DLG2: variants seen among roughly 807,000 people sequenced by gnomAD.
DLG2 encodes discs large MAGUK scaffold protein 2.
Under a neutral mutation model 132.5 loss-of-function variants are expected in DLG2, and 45 were observed. The ratio of observed to expected loss-of-function variants is 0.34; its 90% CI spans 0.27 to 0.44. The LOEUF is 0.44. Ranked by LOEUF, DLG2 falls within the 20% of genes least tolerant of loss-of-function variation. The probability of loss-of-function intolerance (pLI) is 1.00; values close to 1 mark genes in which losing one functional copy is unlikely to be tolerated. For synonymous variants in DLG2, 424 were observed against 419.6 expected (o/e 1.01, Z -0.13); for missense variants, 1,045 against 1,196.9 (o/e 0.87, Z 1.87).
At chr11:84,943,224 T>A (rs2049725314) in intron 6 of DLG2, among the ~76,000 whole-genome samples, 1 of 151,722 alleles carries the variant, frequency 6.6e-6, no homozygotes, top group African/African-American at 2.4e-5. Context: ...CTACTCTGTC[T>A]TTTAATTGAA....
chr11:84,609,335 A>G (rs1275168667), intron 6 of DLG2, among the ~76,000 whole-genome samples: 1 of 152,180 alleles, frequency 6.6e-6, no homozygotes, highest in African/African-American at 2.4e-5. Context: ...AAAGTACTAA[A>G]AACATTACTT....
chr11:85,537,293 C>T (rs532138220), intron 3 of DLG2, among the ~76,000 whole-genome samples: 55 of 152,310 alleles, frequency 3.6e-4, no homozygotes, highest in African/African-American at 1.1e-3. Flanking sequence ...TAAAAGCAGG[C>T]GACCAGAGCC....
At chr11:83,529,739 G>A (rs2095691456) in intron 21 of DLG2, among the ~76,000 whole-genome samples, 1 of 152,110 alleles carries the variant, frequency 6.6e-6, no homozygotes, top group South Asian at 2.1e-4. Context: ...AAGAACAACA[G>A]TGACTTAGTA....
At chr11:85,259,368 A>T (rs1428039944) in intron 4 of DLG2, among the ~76,000 whole-genome samples, 3 of 152,132 alleles carry the variant, frequency 2.0e-5, no homozygotes, top group African/African-American at 7.2e-5. Flanking sequence ...AGAAGCCTGT[A>T]TATCCTGCAG....
intron 6 of DLG2, among the ~76,000 whole-genome samples, chr11:85,085,279 G>A (rs1385289379): frequency 6.6e-6 from 1 of 152,012 alleles, no homozygotes; most frequent in East Asian, 1.9e-4. Context: ...TCCTATACAA[G>A]CCTTTTTAGT....
chr11:85,241,549 C>T (rs531764069), intron 4 of DLG2, among the ~76,000 whole-genome samples: 38 of 152,014 alleles, frequency 2.5e-4, no homozygotes, highest in African/African-American at 8.7e-4. Context: ...TGGACTTCAT[C>T]AGATTAAGGA....
intron 21 of DLG2, among the ~76,000 whole-genome samples, chr11:83,497,281 G>A (rs186098016): frequency 1.3e-5 from 2 of 152,284 alleles, no homozygotes; most frequent in African/African-American, 2.4e-5. Flanking sequence ...GGTGGCTCAC[G>A]CCTGTAATCC....
At chr11:85,438,794 C>T (rs922935865) in intron 3 of DLG2, among the ~76,000 whole-genome samples, 3 of 152,124 alleles carry the variant, frequency 2.0e-5, no homozygotes, top group Admixed American at 6.5e-5. Context: ...ACAGCTGAAT[C>T]GCAAGGACAC....
At chr11:85,208,656 A>C (rs2082056664) in intron 4 of DLG2, among the ~76,000 whole-genome samples, 1 of 152,118 alleles carries the variant, frequency 6.6e-6, no homozygotes, top group African/African-American at 2.4e-5. Flanking sequence ...ACATGCACAA[A>C]ATGTCTGCTG....
chr11:83,499,939 C>A (rs992667286), intron 21 of DLG2, among the ~76,000 whole-genome samples: 2 of 137,942 alleles, frequency 1.4e-5, no homozygotes, highest in Non-Finnish European at 3.1e-5. Flanking sequence ...ATACGACAGT[C>A]AAGAGCTCTG....
intron 8 of DLG2, among the ~76,000 whole-genome samples, chr11:84,211,743 C>T (rs1190887146): frequency 3.9e-5 from 6 of 152,066 alleles, no homozygotes; most frequent in Non-Finnish European, 8.8e-5. Flanking sequence ...GTTTTATCAC[C>T]TATAGGAAAC....
At chr11:85,516,203 T>C (rs1421253980) in intron 3 of DLG2, among the ~76,000 whole-genome samples, 1 of 152,014 alleles carries the variant, frequency 6.6e-6, no homozygotes, top group African/African-American at 2.4e-5. Flanking sequence ...TGAATAATCT[T>C]TGGGTCAAGG....
intron 4 of DLG2, among the ~76,000 whole-genome samples, chr11:85,249,616 C>T (rs141509855): frequency 6.6e-6 from 1 of 152,050 alleles, no homozygotes; most frequent in East Asian, 1.9e-4. Context: ...GGATCAGAGG[C>T]CTGAAAAAAT....
At chr11:84,404,528 G>T (rs915524534) in intron 7 of DLG2, among the ~76,000 whole-genome samples, 1 of 152,076 alleles carries the variant, frequency 6.6e-6, no homozygotes, top group African/African-American at 2.4e-5. Context: ...GACCCACATT[G>T]CCTAACACAG....
intron 3 of DLG2, among the ~76,000 whole-genome samples, chr11:85,334,787 G>A (rs147547658): frequency 6.6e-6 from 1 of 152,148 alleles, no homozygotes; most frequent in Non-Finnish European, 1.5e-5. Flanking sequence ...TGGTCTGAGA[G>A]TGTGGTTGGT....
Position 84,808,232 on chromosome 11 carries a change from A to G in DLG2, c.358-273501T>C, listed in dbSNP as rs140198281. Among the ~76,000 whole-genome samples, 147 of 152,226 alleles carry G rather than the reference A, an allele frequency of 9.7e-4. 2 individuals are homozygous for G. Among genetic ancestry groups the G allele is most frequent in the Middle Eastern group, 6.8e-3 (2 of 294 alleles). ...ACTAAAAACCATACTACTAAATAAT[A>G]CATGTGTCAAGAGAAAGTCTCAAGG... On this transcript the variant is annotated intron_variant, in intron 6 of 27. Transcript: ENST00000376104.
At chr11:84,918,420 C>T (rs914998692) in intron 6 of DLG2, among the ~76,000 whole-genome samples, 1 of 152,164 alleles carries the variant, frequency 6.6e-6, no homozygotes, top group Non-Finnish European at 1.5e-5. Flanking sequence ...GATATAGACA[C>T]CCTGTACTGT....
intron 7 of DLG2, among the ~76,000 whole-genome samples, chr11:84,257,105 A>T (rs1363102255): frequency 6.6e-6 from 1 of 152,170 alleles, no homozygotes; most frequent in Non-Finnish European, 1.5e-5. Flanking sequence ...TGAACACAGG[A>T]TAACTGTATT....
chr11:84,325,365 C>A (rs931861249), intron 7 of DLG2, among the ~76,000 whole-genome samples: 3 of 152,060 alleles, frequency 2.0e-5, no homozygotes, highest in African/African-American at 7.2e-5. Flanking sequence ...CCCCCAACCC[C>A]CTCACCCTCC....
Sources: gnomAD v4.1 joint callset for allele counts (sites outside exome capture counted in the v4.1 genomes callset) on GRCh38, gnomAD v4.1.1 for gene constraint, MANE v1.5 for transcripts, NCBI Gene and HGNC (gene_info 2026-07-23, HGNC 2026-07-21) for gene names.